The following PPP6R3 variants were observed in gnomAD, a reference collection of about 807,000 sequenced individuals.
PPP6R3 encodes the protein serine/threonine-protein phosphatase 6 regulatory subunit 3.
PPP6R3 carries 38 observed loss-of-function variants against 110.7 expected under a neutral mutation model. That is an observed-to-expected ratio of 0.34 (90% CI 0.26 to 0.45). The LOEUF (loss-of-function observed/expected upper bound fraction) is 0.45, where lower values mean the gene tolerates loss of function less well. Ranked by LOEUF, PPP6R3 falls within the 20% of genes least tolerant of loss-of-function variation. The pLI, the probability that PPP6R3 is intolerant of heterozygous loss-of-function variation, is 1.00. For synonymous variants in PPP6R3, 369 were observed against 373.5 expected (o/e 0.99, Z 0.14); for missense variants, 870 against 1,062.4 (o/e 0.82, Z 2.52).
chr11:68,614,745 G>T lies in PPP6R3; in HGVS notation c.*1628G>T. 6.5e-7 allele frequency: 1 copy of T among 1,535,758 alleles called. No individual in the cohort carries two copies. The highest frequency in any genetic ancestry group is 8.8e-7 in the Non-Finnish European group (1 of 1,137,402). ...CGCCTCCTCAGGAACCCCCTTTCCCGGGTGAGCCCCTCTCTGAAGAGACTG... is the reference window on the plus strand; with the variant it reads ...CGCCTCCTCAGGAACCCCCTTTCCCTGGTGAGCCCCTCTCTGAAGAGACTG... On this transcript the variant is annotated 3_prime_UTR_variant, in exon 24 of 24. Coordinates refer to ENST00000393800, the MANE Select transcript of PPP6R3 (RefSeq NM_001164161.2).
intron 16 of PPP6R3, 32 bp from the exon 17 acceptor site, chr11:68,590,628 G>A: frequency 6.5e-7 from 1 of 1,526,776 alleles, no homozygotes; most frequent in Non-Finnish European, 8.9e-7. Context: ...AGTAATTAAT[G>A]CTTCCTACAC....
intron 2 of PPP6R3, chr11:68,522,513 C>T (rs1178676708): frequency 6.6e-6 from 1 of 152,222 alleles, no homozygotes; most frequent in African/African-American, 2.4e-5. Context: ...GTTCTTTGCC[C>T]TGTGCTCAGA....
chr11:68,493,437 T>G (rs1440878997), intron 1 of PPP6R3, among the ~76,000 whole-genome samples: 1 of 151,802 alleles, frequency 6.6e-6, no homozygotes, highest in Non-Finnish European at 1.5e-5. Context: ...CCATTTTTAA[T>G]TTTTAATTTT....
At chr11:68,534,958 C>CT (rs1555119103) in intron 2 of PPP6R3, among the ~76,000 whole-genome samples, 3 of 152,066 alleles carry the variant, frequency 2.0e-5, no homozygotes, top group Non-Finnish European at 4.4e-5. Flanking sequence ...ATACTTTTGT[C>CT]TTTTTTTCTA....
At chr11:68,558,786 T>C (rs936359078) in intron 8 of PPP6R3, 107 bp downstream of exon 8, 1 of 777,318 alleles carries the variant, frequency 1.3e-6, no homozygotes, top group African/African-American at 1.8e-5. Context: ...TGAATTGCAG[T>C]TGCTGATTCT....
At position 68,600,579 on chromosome 11, in the gene PPP6R3, C is replaced by T. The variant is rs2099628828; in HGVS notation, c.2192+85C>T. On this transcript the variant is annotated intron_variant, in intron 20 of 23. Coordinates refer to ENST00000393800, the MANE Select transcript of PPP6R3 (RefSeq NM_001164161.2). The stretch of plus-strand genomic sequence containing the variant: ...TTTGCTGTTAACGTGTGTTCTTCAC[C>T]TTGACTGACTTCCAAGTTGAATATA... The T allele has an allele frequency of 2.8e-6, 4 of 1,449,648 alleles. No homozygotes were observed. In the Admixed American group the frequency reaches 9.6e-5, roughly 35 times the overall value. 89.8% of individuals were successfully genotyped at this position (1,449,648 alleles called of 1,614,324 possible). A position where few individuals can be genotyped will look rare whatever the true frequency, so the allele number is the denominator to read the frequency against.
rs143922655 is a variant in PPP6R3, at chr11:68,572,567, T to G, written c.1343+1463T>G. On this transcript the variant is annotated intron_variant, in intron 12 of 23. Transcript: ENST00000393800. ...TGAGCAACTCAGTGAAGATTGACTC[T>G]GGCCAGGCACGGTGGGAGATGCCTG... Among the ~76,000 whole-genome samples, 84 of 152,284 alleles carry G rather than the reference T, an allele frequency of 5.5e-4. 1 individual carries two copies. Among genetic ancestry groups the G allele is most frequent in the Non-Finnish European group, 1.0e-3 (71 of 68,026 alleles).
chr11:68,469,986 G>T (rs1402340856), intron 1 of PPP6R3, among the ~76,000 whole-genome samples: 2 of 152,084 alleles, frequency 1.3e-5, no homozygotes, highest in Non-Finnish European at 2.9e-5. Context: ...TGTAAATGGA[G>T]TCACTTTGTT....
At position 68,548,059 on chromosome 11, in the gene PPP6R3, T is replaced by G; in HGVS notation, c.415-8T>G. On this transcript the variant is annotated splice_region_variant and splice_polypyrimidine_tract_variant and intron_variant, in intron 4 of 23. Coordinates refer to ENST00000393800, the MANE Select transcript of PPP6R3 (RefSeq NM_001164161.2). ...ATGTCTTTCAGTTTCTGATCTGTTC[T>G]TCTCTAGATTGTGGATTTCTTAAAG... The G allele has an allele frequency of 6.2e-7, 1 of 1,611,538 alleles. No homozygotes were observed. The highest frequency in any genetic ancestry group is 8.5e-7 in the Non-Finnish European group (1 of 1,178,672).
At chr11:68,578,878 C>G (rs1457582386) in intron 14 of PPP6R3, among the ~76,000 whole-genome samples, 1 of 152,100 alleles carries the variant, frequency 6.6e-6, no homozygotes, top group African/African-American at 2.4e-5. Context: ...TAATTATATC[C>G]AAAGACCTCT....
intron 1 of PPP6R3, among the ~76,000 whole-genome samples, chr11:68,505,978 C>T (rs1285217585): frequency 1.3e-5 from 2 of 152,034 alleles, no homozygotes; most frequent in East Asian, 1.9e-4. Context: ...GCCTTTTCTT[C>T]ATTCATGTTT....
chr11:68,602,314 C>G (rs2099634336), intron 21 of PPP6R3, among the ~76,000 whole-genome samples: 2 of 152,184 alleles, frequency 1.3e-5, no homozygotes, highest in South Asian at 2.1e-4. Context: ...TTGCTTTGCT[C>G]AAGCATGTAG....
intron 2 of PPP6R3, among the ~76,000 whole-genome samples, chr11:68,523,163 C>T (rs2099172503): frequency 6.6e-6 from 1 of 152,198 alleles, no homozygotes; most frequent in Non-Finnish European, 1.5e-5. Flanking sequence ...TTCCCGGAAT[C>T]CCTAACAAAA....
chr11:68,524,485 G>A (rs915828232), intron 2 of PPP6R3, among the ~76,000 whole-genome samples: 3 of 152,096 alleles, frequency 2.0e-5, no homozygotes, highest in Admixed American at 2.0e-4. Context: ...TCTGGTCCTA[G>A]ACATTATTTA....
intron 9 of PPP6R3, among the ~76,000 whole-genome samples, chr11:68,564,898 C>CA (rs577120846): frequency 1.4e-3 from 206 of 152,264 alleles, no homozygotes; most frequent in African/African-American, 4.7e-3. Context: ...CAGAGCCTCC[C>CA]ATGTGCTAAT....
intron 19 of PPP6R3, among the ~76,000 whole-genome samples, chr11:68,596,902 G>C (rs928566300): frequency 6.6e-6 from 1 of 152,170 alleles, no homozygotes; most frequent in East Asian, 1.9e-4. Context: ...AGCCCAGCTA[G>C]GGTGGACCTT....
In PPP6R3 at chr11:68,519,513, C is replaced by T. The variant is rs2099153449; in HGVS notation, c.-145C>T. ...TTTTCTTTTACAGGAGAGCTTGTTTCATATCCATATCCCACTGTATTCCTG... is the reference window on the plus strand; with the variant it reads ...TTTTCTTTTACAGGAGAGCTTGTTTTATATCCATATCCCACTGTATTCCTG... On this transcript the variant is annotated 5_prime_UTR_variant, in exon 2 of 24. Transcript: ENST00000393800. 1 of 397,944 alleles carries T rather than the reference C, an allele frequency of 2.5e-6. No individual in the cohort carries two copies. Among genetic ancestry groups the T allele is most frequent in the South Asian group, 1.3e-4 (1 of 7,852 alleles). 24.7% of individuals were successfully genotyped at this position (397,944 alleles called of 1,614,324 possible).
At position 68,613,882 on chromosome 11, in the gene PPP6R3, T is replaced by TA. The variant is rs1944617477; in HGVS notation, c.*765_*766insA. 4 of 984,038 alleles carry TA rather than the reference T, an allele frequency of 4.1e-6. No homozygotes were observed. Among genetic ancestry groups the TA allele is most frequent in the Non-Finnish European group, 4.8e-6 (4 of 829,018 alleles). 61.0% of individuals were successfully genotyped at this position (984,038 alleles called of 1,614,324 possible). On this transcript the variant is annotated 3_prime_UTR_variant, in exon 24 of 24. Transcript: ENST00000393800. The stretch of plus-strand genomic sequence containing the variant: ...AACACTAGACTATTTGGAGTGTATA[T>TA]GGCTTGTGTTTTGGGATTTTTTTTT...
chr11:68,593,975 T>A (rs2099603539), intron 18 of PPP6R3, among the ~76,000 whole-genome samples: 2 of 151,992 alleles, frequency 1.3e-5, no homozygotes, highest in South Asian at 2.1e-4. Flanking sequence ...ACAAAGATGG[T>A]CAGTTTGGAT....
Sources: gnomAD v4.1 joint callset for allele counts (sites outside exome capture counted in the v4.1 genomes callset) on GRCh38, gnomAD v4.1.1 for gene constraint, MANE v1.5 for transcripts, NCBI Gene and HGNC (gene_info 2026-07-23, HGNC 2026-07-21) for gene names.